The following CHST11 variants were observed in gnomAD, a reference collection of about 807,000 sequenced individuals.
CHST11 encodes the protein C4S-1.
In CHST11, 9 loss-of-function variants were observed where a neutral mutation model predicts 30.4. That is an observed-to-expected ratio of 0.30 (90% confidence interval 0.18 to 0.52). The LOEUF (loss-of-function observed/expected upper bound fraction) is 0.52. CHST11 is among the 20% of genes least tolerant of loss of function. The pLI is 0.97. For missense variants in CHST11, 348 were observed against 460.6 expected, an observed-to-expected ratio of 0.76 and a Z score of 2.24; for synonymous variants, 152 against 187.8, an observed-to-expected ratio of 0.81 and a Z score of 1.56.
intron 2 of CHST11, 43 bp downstream of exon 2, chr12:104,602,034 T>G: frequency 2.1e-6 from 3 of 1,455,368 alleles, no homozygotes; most frequent in South Asian, 1.2e-5. Context: ...TTTTTTTTTT[T>G]GTAGGTATGG....
intron 1 of CHST11, among the ~76,000 whole-genome samples, chr12:104,469,701 G>A (rs1318339776): frequency 6.6e-6 from 1 of 152,120 alleles, no homozygotes; most frequent in African/African-American, 2.4e-5. Flanking sequence ...TCTGTGGCTG[G>A]CATTTGTAGC....
chr12:104,753,627 A>C (rs868378206), intron 2 of CHST11, among the ~76,000 whole-genome samples: 7 of 152,328 alleles, frequency 4.6e-5, no homozygotes, highest in Middle Eastern at 3.4e-3. Context: ...ATACCCAGGC[A>C]CTAAGGAAGA....
intron 2 of CHST11, among the ~76,000 whole-genome samples, chr12:104,603,314 T>C (rs950146797): frequency 1.4e-4 from 22 of 152,226 alleles, no homozygotes; most frequent in African/African-American, 4.6e-4. Context: ...TTTTTGTTGA[T>C]ATCCTCTGTT....
At chr12:104,631,357 C>T (rs2039268275) in intron 2 of CHST11, among the ~76,000 whole-genome samples, 1 of 152,102 alleles carries the variant, frequency 6.6e-6, no homozygotes, top group Non-Finnish European at 1.5e-5. Flanking sequence ...TGGTAGCGGA[C>T]CCTGTTGGTG....
intron 1 of CHST11, among the ~76,000 whole-genome samples, chr12:104,504,661 A>G (rs1352740005): frequency 6.6e-6 from 1 of 152,068 alleles, no homozygotes; most frequent in East Asian, 1.9e-4. Context: ...TCTTTTGAGG[A>G]TCTTGTTTAA....
rs560040824 is a variant in CHST11, at chr12:104,549,045, A to G, written c.119-52861A>G. On this transcript the variant is annotated intron_variant, in intron 1 of 2. Transcript: ENST00000303694. ...GGTTTTCTAAACCAAACAGATCCCA[A>G]CCACGGTGATAAATGAGGTGGGGAG... Among the ~76,000 whole-genome samples the G allele has an allele frequency of 5.3e-5, 8 of 152,304 alleles. No individual in the cohort carries two copies. In the South Asian group the frequency reaches 1.5e-3, roughly 28 times the overall value.
At chr12:104,617,916 T>G (rs897498969) in intron 2 of CHST11, among the ~76,000 whole-genome samples, 18 of 152,034 alleles carry the variant, frequency 1.2e-4, no homozygotes, top group Non-Finnish European at 2.5e-4. Context: ...TTTCCTTTTT[T>G]TTTTTCCCTT....
chr12:104,723,485 C>T (rs2040194417), intron 2 of CHST11, among the ~76,000 whole-genome samples: 1 of 152,252 alleles, frequency 6.6e-6, no homozygotes, highest in South Asian at 2.1e-4. Context: ...TTTCCCGACA[C>T]TCACTCCGAT....
chr12:104,613,293 A>G (rs904125345), intron 2 of CHST11, among the ~76,000 whole-genome samples: 17 of 151,798 alleles, frequency 1.1e-4, no homozygotes, highest in Non-Finnish European at 1.8e-4. Context: ...ATAGATAGAT[A>G]TAGATATATA....
chr12:104,617,088 A>C (rs1226289501), intron 2 of CHST11, among the ~76,000 whole-genome samples: 2 of 152,202 alleles, frequency 1.3e-5, no homozygotes, highest in African/African-American at 4.8e-5. Context: ...CTCTGGATGC[A>C]GTAAATACTC....
intron 2 of CHST11, among the ~76,000 whole-genome samples, chr12:104,622,706 C>T (rs2039171729): frequency 6.6e-6 from 1 of 152,218 alleles, no homozygotes; most frequent in Non-Finnish European, 1.5e-5. Flanking sequence ...TACTTAACCT[C>T]ACTGTGCCTC....
At chr12:104,514,530 A>G in intron 1 of CHST11, 1 of 510,300 alleles carries the variant, frequency 2.0e-6, no homozygotes, top group African/African-American at 1.9e-5. Context: ...ACATTTCTCT[A>G]AAAAAAAGAA....
chr12:104,640,425 G>T (rs2039365092), intron 2 of CHST11, among the ~76,000 whole-genome samples: 1 of 152,168 alleles, frequency 6.6e-6, no homozygotes, highest in African/African-American at 2.4e-5. Flanking sequence ...GCCACAAAAA[G>T]ATATGGAGGA....
chr12:104,742,775 C>T (rs1398606695), intron 2 of CHST11, among the ~76,000 whole-genome samples: 1 of 152,214 alleles, frequency 6.6e-6, no homozygotes, highest in Non-Finnish European at 1.5e-5. Flanking sequence ...CCTTGGCGCC[C>T]TCCCCCTCCA....
intron 2 of CHST11, among the ~76,000 whole-genome samples, chr12:104,736,304 AG>A (rs1479441039): frequency 6.6e-6 from 1 of 152,132 alleles, no homozygotes; most frequent in Non-Finnish European, 1.5e-5. Flanking sequence ...GTTCAGTGGA[AG>A]GAAAGGAAAG....
In CHST11 at chr12:104,498,699, G is replaced by T. The variant is rs149664497; in HGVS notation, c.118+41170G>T. Among the ~76,000 whole-genome samples, 11 of 152,318 alleles carry T rather than the reference G, an allele frequency of 7.2e-5. No homozygotes were observed. In the East Asian group the frequency reaches 1.4e-3, roughly 19 times the overall value. On this transcript the variant is annotated intron_variant, in intron 1 of 2. Transcript: ENST00000303694. Reference sequence around the variant, plus strand: ...TTGGGAAAGGGTCTTGGTTATTTGTGCAACTCTTAATGATTTCCGAGAGAG... The same window carrying T: ...TTGGGAAAGGGTCTTGGTTATTTGTTCAACTCTTAATGATTTCCGAGAGAG...
intron 1 of CHST11, among the ~76,000 whole-genome samples, chr12:104,478,499 A>T (rs946276378): frequency 6.6e-6 from 1 of 152,178 alleles, no homozygotes; most frequent in Non-Finnish European, 1.5e-5. Context: ...CTGACTTCCC[A>T]GCAGCAGAGT....
intron 2 of CHST11, among the ~76,000 whole-genome samples, chr12:104,641,191 T>C (rs1234757298): frequency 2.0e-5 from 3 of 152,180 alleles, no homozygotes; most frequent in African/African-American, 7.2e-5. Flanking sequence ...ATCCCCCACA[T>C]TGGCCATCTT....
chr12:104,529,961 C>T (rs1291886161), intron 1 of CHST11, among the ~76,000 whole-genome samples: 1 of 152,134 alleles, frequency 6.6e-6, no homozygotes, highest in Non-Finnish European at 1.5e-5. Context: ...AGTTCAAGAC[C>T]AGCCTGGCCA....
Sources: allele counts gnomAD v4.1 joint callset (sites outside exome capture counted in the v4.1 genomes callset), GRCh38; gene constraint gnomAD v4.1.1; transcripts MANE v1.5; gene names NCBI Gene and HGNC (gene_info 2026-07-23, HGNC 2026-07-21).